PRR5: variants seen among roughly 807,000 people sequenced by gnomAD.
The protein encoded by PRR5 is proline rich 5, also known as proline-rich protein 5.
A neutral mutation model predicts 30.6 loss-of-function variants in PRR5; 25 were observed. The observed-to-expected ratio is 0.82, with a 90% CI of 0.60 to 1.14. PRR5 has a LOEUF of 1.14. Among genes scored for constraint, PRR5 ranks in the 50% most tolerant of loss-of-function variants. The pLI, the probability that PRR5 is intolerant of heterozygous loss-of-function variation, is 0.00. For missense variants in PRR5, 600 were observed against 547.1 expected (o/e 1.10, Z -0.96); for synonymous variants, 286 against 247.1 (o/e 1.16, Z -1.48).
chr22:44,691,868 G>T lies in PRR5; in HGVS notation c.-10-10624G>T, dbSNP rs2146969567. 6.6e-6 allele frequency among the ~76,000 whole-genome samples: 1 copy of T among 152,202 alleles called. No individual in the cohort carries two copies. Among genetic ancestry groups the T allele is most frequent in the South Asian group, 2.1e-4 (1 of 4,830 alleles). ...GGCATGGCTGGTGGTTGCCACCCTGGTTGGACGCCCCTCCTCCACGAGGGA... is the reference window on the plus strand; with the variant it reads ...GGCATGGCTGGTGGTTGCCACCCTGTTTGGACGCCCCTCCTCCACGAGGGA... On this transcript the variant is annotated intron_variant, in intron 1 of 8. Transcript: ENST00000006251. The surrounding 1 kb of genome is among the most constrained non-coding windows in gnomAD (Gnocchi z 4.4).
chr22:44,677,976 G>A (rs1381633505), intron 1 of PRR5, among the ~76,000 whole-genome samples: 4 of 152,136 alleles, frequency 2.6e-5, no homozygotes, highest in Non-Finnish European at 5.9e-5. Flanking sequence ...GGAAATAACC[G>A]GGAGCTGGTG....
chr22:44,682,723 G>A (rs1924408214), intron 1 of PRR5, among the ~76,000 whole-genome samples: 1 of 152,190 alleles, frequency 6.6e-6, no homozygotes, highest in Admixed American at 6.5e-5. Flanking sequence ...GACAATCATG[G>A]TACCTGGCGT....
At chr22:44,715,088 T>G (rs1374727296) in intron 2 of PRR5, among the ~76,000 whole-genome samples, 1 of 152,134 alleles carries the variant, frequency 6.6e-6, no homozygotes, top group East Asian at 1.9e-4. Context: ...GAAAAGCAAT[T>G]CCAGCCCTGC....
chr22:44,697,975 G>A (rs1601978361), upstream of PRR5, among the ~76,000 whole-genome samples: 1 of 152,206 alleles, frequency 6.6e-6, no homozygotes, highest in East Asian at 1.9e-4. Flanking sequence ...CTGTGTCCCA[G>A]AGATCATGAT....
intron 1 of PRR5, among the ~76,000 whole-genome samples, chr22:44,682,295 G>A (rs1473677040): frequency 6.6e-6 from 1 of 152,178 alleles, no homozygotes; most frequent in Non-Finnish European, 1.5e-5. Context: ...TCCTCCTTAC[G>A]TGTACTCTAA....
Position 44,736,884 on chromosome 22 carries a change from G to A in PRR5, c.804G>A (p.Ala268=), listed in dbSNP as rs372443410. The A allele has an allele frequency of 7.7e-5, 124 of 1,609,374 alleles. No homozygotes were observed. Among genetic ancestry groups the A allele is most frequent in the Middle Eastern group, 3.3e-4 (2 of 6,006 alleles). The change falls in exon 8 of 8, where the codon GCG becomes GCA. Residue 268 remains alanine, a synonymous_variant. Transcript: ENST00000336985. ...PLLNPVQEHE[A]EGAAAGGTSI... ...TGAACCCCGTGCAGGAGCACGAGGC[G>A]GAGGGCGCGGCGGCCGGCGGTACCA...
upstream of PRR5, among the ~76,000 whole-genome samples, chr22:44,698,188 A>G (rs1254926678): frequency 6.6e-6 from 1 of 151,720 alleles, no homozygotes; most frequent in Non-Finnish European, 1.5e-5. Flanking sequence ...CCGACACCCC[A>G]CTGGCCAGGG....
At chr22:44,732,971 A>G (rs914076857) in intron 6 of PRR5, among the ~76,000 whole-genome samples, 16 of 150,274 alleles carry the variant, frequency 1.1e-4, no homozygotes, top group South Asian at 2.1e-4. Context: ...GCACACGCAT[A>G]CACACTACAC....
upstream of PRR5, among the ~76,000 whole-genome samples, chr22:44,675,957 G>C (rs1347709023): frequency 6.6e-6 from 1 of 151,962 alleles, no homozygotes; most frequent in Non-Finnish European, 1.5e-5. Context: ...TGTGGGCGAG[G>C]TGCTGGGAGA....
intron 2 of PRR5, 37 bp from the exon 3 acceptor site, chr22:44,725,207 G>A (rs1228194094): frequency 6.2e-7 from 1 of 1,613,152 alleles, no homozygotes; most frequent in Non-Finnish European, 8.5e-7. Flanking sequence ...GTGCCGTGTG[G>A]TCTGGGACTC....
In PRR5 at chr22:44,735,033, C is replaced by T. The variant is rs372620635; in HGVS notation, c.562C>T (p.His188Tyr). ...CTGCCCCACTCTCCTGCAGGGGGTA[C>T]ATGAGTCCAGGGGCGTGACTGAGGA... ...VQMLLVLQGV[H>Y]ESRGVTEDYL... is the part of the protein sequence containing the mutation. Residue 188 changes from histidine to tyrosine, a missense_variant, in exon 7 of 8, where the codon CAT becomes TAT. By Grantham distance (83) the His-to-Tyr change is moderately conservative. Coordinates refer to ENST00000336985, the MANE Select transcript of PRR5 (RefSeq NM_181333.4). 77 of 1,612,436 alleles carry T rather than the reference C, an allele frequency of 4.8e-5. No homozygotes were observed. The highest frequency in any genetic ancestry group is 6.1e-5 in the Non-Finnish European group (72 of 1,179,466).
chr22:44,713,866 C>T (rs577736400), intron 1 of PRR5, among the ~76,000 whole-genome samples: 3 of 152,312 alleles, frequency 2.0e-5, no homozygotes, highest in East Asian at 1.9e-4. Context: ...TGCAGTGGCG[C>T]GATCTCGGCT....
chr22:44,709,248 C>G (rs1185794974), intron 1 of PRR5, among the ~76,000 whole-genome samples: 1 of 152,170 alleles, frequency 6.6e-6, no homozygotes, highest in East Asian at 1.9e-4. Flanking sequence ...CAGAAGCAGC[C>G]TGAGCAGATT....
At chr22:44,679,214 G>A (rs1187144093) in intron 1 of PRR5, 1 of 151,718 alleles carries the variant, frequency 6.6e-6, no homozygotes, top group East Asian at 2.0e-4. Context: ...GTGTTCTTAG[G>A]ATGCTCACAG....
chr22:44,671,285 C>T (rs73416538), intron 1 of PRR5, among the ~76,000 whole-genome samples: 15,808 of 152,248 alleles, frequency 0.1, 824 homozygotes, highest in African/African-American at 0.12. Context: ...CTTGGGCCAT[C>T]ATGAAGACAT....
Position 44,692,703 on chromosome 22 carries a change from G to T in PRR5, c.-10-9789G>T, listed in dbSNP as rs562885483. ...TAAGAAAAGGCTGCCAGCCAAGAAG[G>T]TGCCTTGGGAAGAATACAGGTTGGG... On this transcript the variant is annotated intron_variant, in intron 1 of 8. Transcript: ENST00000006251. Among the ~76,000 whole-genome samples the T allele has an allele frequency of 6.6e-5, 10 of 152,322 alleles. No homozygotes were observed. The South Asian group carries it at 1.0e-3, about 16-fold the overall frequency.
intron 3 of PRR5, 73 bp from the exon 4 acceptor site, chr22:44,726,503 TC>T (rs373215516): frequency 2.5e-6 from 4 of 1,606,986 alleles, no homozygotes; most frequent in Admixed American, 3.3e-5. Context: ...GGATGGACTC[TC>T]GGGGGCCCTG....
At position 44,691,881 on chromosome 22, in the gene PRR5, C is replaced by T. The variant is rs960953574; in HGVS notation, c.-10-10611C>T. 6.6e-6 allele frequency among the ~76,000 whole-genome samples: 1 copy of T among 152,158 alleles called. No homozygotes were observed. Among genetic ancestry groups the T allele is most frequent in the African/African-American group, 2.4e-5 (1 of 41,436 alleles). ...GTTGCCACCCTGGTTGGACGCCCCT[C>T]CTCCACGAGGGAAGCCAGGGCCTTG... On this transcript the variant is annotated intron_variant, in intron 1 of 8. Coordinates refer to the PRR5 transcript ENST00000006251. This position sits in a 1 kb window ranked among gnomAD's most constrained non-coding sequence, Gnocchi z 4.4.
chr22:44,690,812 C>T (rs1925172778), intron 1 of PRR5, among the ~76,000 whole-genome samples: 1 of 151,960 alleles, frequency 6.6e-6, no homozygotes, highest in African/African-American at 2.4e-5. Flanking sequence ...CCAGATCTTC[C>T]AGGCAACAAG....
Sources: allele counts gnomAD v4.1 joint callset (sites outside exome capture counted in the v4.1 genomes callset), GRCh38; gene constraint gnomAD v4.1.1; non-coding constraint Gnocchi (gnomAD v3.1); transcripts MANE v1.5; gene names NCBI Gene and HGNC (gene_info 2026-07-23, HGNC 2026-07-21).